The following CCDC157 variants were observed in gnomAD, a reference collection of about 807,000 sequenced individuals.
CCDC157 encodes the protein coiled-coil domain-containing protein 157.
Under a neutral mutation model 70.9 loss-of-function variants are expected in CCDC157, and 60 were observed. The ratio of observed to expected loss-of-function variants is 0.85; its 90% CI spans 0.69 to 1.05. The LOEUF (loss-of-function observed/expected upper bound fraction) is 1.05. CCDC157 is among the 50% of genes least tolerant of loss of function. The pLI is 0.00. For synonymous variants in CCDC157, 373 were observed against 422.4 expected (o/e 0.88, Z 1.43); for missense variants, 943 against 984.2 (o/e 0.96, Z 0.56).
chr22:30,374,730 A>G, intron 9 of CCDC157: 1 of 456,700 alleles, frequency 2.2e-6, no homozygotes, highest in South Asian at 1.5e-5. Context: ...GCTATTTCCC[A>G]TAGCAGGAAA....
At chr22:30,374,954 CTTTTTTT>C (rs10611353) in intron 9 of CCDC157, 7,621 of 237,856 alleles carry the variant, frequency 0.032, 1 homozygote, top group Middle Eastern at 0.05. Flanking sequence ...TTTGCTAAGT[CTTTTTTT>C]TTTTTTTTTT....
In CCDC157 at chr22:30,377,316, A is replaced by G. The variant is rs559639242; in HGVS notation, c.*571A>G. 1.7e-3 allele frequency: 263 copies of G among 155,658 alleles called. 1 individual carries two copies. The highest frequency in any genetic ancestry group is 3.0e-3 in the Non-Finnish European group (212 of 69,952). The allele number at this position is 155,658 out of a possible 1,614,324, so 9.6% of individuals were successfully genotyped here. On this transcript the variant is annotated 3_prime_UTR_variant, in exon 12 of 12. Coordinates refer to ENST00000338306, the MANE Select transcript of CCDC157 (RefSeq NM_001017437.5). ...TGGTGACCGTCATGAAGGTTTCTCT[A>G]AATCCTGGAGATCATAGCCCCAGGA...
upstream of CCDC157, chr22:30,356,881 G>C (rs1048216313): frequency 1.8e-6 from 2 of 1,134,484 alleles, no homozygotes; most frequent in African/African-American, 1.6e-5. Flanking sequence ...AGTACGACGA[G>C]CTCGCAAGAT....
In CCDC157 at chr22:30,370,528, G is replaced by A. The variant is rs756078377; in HGVS notation, c.623G>A (p.Ser208Asn). 3 of 1,613,950 alleles carry A rather than the reference G, an allele frequency of 1.9e-6. No homozygotes were observed. The African/African-American group carries it at 4.0e-5, about 22-fold the overall frequency. The change falls in exon 5 of 12, where the codon AGT becomes AAT. Residue 208 changes from serine (S) to asparagine (N), a missense_variant. By Grantham distance (46) the Ser-to-Asn change is conservative. Coordinates refer to ENST00000338306, the MANE Select transcript of CCDC157 (RefSeq NM_001017437.5). ...GCCACGACCTTCAAGAACACCAGGA[G>A]TGTCCACTCCCAGACCATTGAGACG... ...FPATTFKNTR[S>N]VHSQTIETAL...
intron 9 of CCDC157, chr22:30,374,482 A>G (rs1253309585): frequency 2.1e-6 from 1 of 469,374 alleles, no homozygotes. Context: ...CCAAGGACAC[A>G]GCCTCCAGCT....
At chr22:30,363,752 G>A (rs928962720) in intron 2 of CCDC157, among the ~76,000 whole-genome samples, 4 of 142,914 alleles carry the variant, frequency 2.8e-5, no homozygotes, top group African/African-American at 1.1e-4. Flanking sequence ...GCAATGGCGC[G>A]ATCTCGGCTC....
At chr22:30,366,602 G>A in intron 3 of CCDC157, 1 of 330,078 alleles carries the variant, frequency 3.0e-6, no homozygotes, top group South Asian at 3.8e-5. Flanking sequence ...TTGCTTCTCA[G>A]AGTTTCCATT....
Position 30,370,414 on chromosome 22 carries a change from TAATC to T in CCDC157, c.512_515del (p.Ile171SerfsTer7). On this transcript the variant is annotated frameshift_variant, in exon 5 of 12. Coordinates refer to ENST00000338306, the MANE Select transcript of CCDC157 (RefSeq NM_001017437.5). LOFTEE classifies it high-confidence loss of function. ...AGCCCTGAATATCTGACTACCAAGTTAATCAAGCCCTCCTCCCCAGTGCTAGGCT... is the reference window on the plus strand; with the variant it reads ...AGCCCTGAATATCTGACTACCAAGTTAAGCCCTCCTCCCCAGTGCTAGGCT... 1 of 1,614,102 alleles carries T rather than the reference TAATC, an allele frequency of 6.2e-7. No individual in the cohort carries two copies. Among genetic ancestry groups the T allele is most frequent in the Non-Finnish European group, 8.5e-7 (1 of 1,180,024 alleles).
intron 10 of CCDC157, 39 bp from the exon 11 acceptor site, chr22:30,376,220 T>A (rs575626839): frequency 1.7e-5 from 27 of 1,582,642 alleles, no homozygotes; most frequent in Non-Finnish European, 2.2e-5. Context: ...AGGGGACTCC[T>A]GGGCCCTTAT....
Position 30,374,008 on chromosome 22 carries a change from GGGAGCTGGA to G in CCDC157, c.1597_1605del (p.Glu533_Leu535del). 2 of 1,612,126 alleles carry G rather than the reference GGGAGCTGGA, an allele frequency of 1.2e-6. No homozygotes were observed. Among genetic ancestry groups the G allele is most frequent in the Non-Finnish European group, 1.7e-6 (2 of 1,179,316 alleles). On this transcript the variant is annotated inframe_deletion, in exon 9 of 12. Coordinates refer to ENST00000338306, the MANE Select transcript of CCDC157 (RefSeq NM_001017437.5). ...CGGCTAACCATCCTGGAGCTAGAACGGGAGCTGGAGGAGCTGAAGGAGCGGGAGCGGCTG... is the reference window on the plus strand; with the variant it reads ...CGGCTAACCATCCTGGAGCTAGAACGGGAGCTGAAGGAGCGGGAGCGGCTG...
In CCDC157 at chr22:30,366,107, G is replaced by T; in HGVS notation, c.107G>T (p.Arg36Leu). The T allele has an allele frequency of 6.2e-7, 1 of 1,612,986 alleles. No homozygotes were observed. The change falls in exon 3 of 12, where the codon CGC (arginine) becomes CTC (leucine). Residue 36 changes from arginine to leucine, a missense_variant. Arg to Leu is a moderately radical substitution (Grantham distance 102, BLOSUM62 -2). Transcript: ENST00000338306. ...GTCTTCTCCCGCGCCGGGCCTGTGC[G>T]CTTCCCCTCCTGGAAGTTCCCTGAC... ...VDVFSRAGPVRFPSWKFPDRM... is the reference protein window; with the variant it reads ...VDVFSRAGPVLFPSWKFPDRM...
In CCDC157 at chr22:30,370,767, A is replaced by T; in HGVS notation, c.862A>T (p.Lys288Ter). 6.2e-7 allele frequency: 1 copy of T among 1,613,582 alleles called. No individual in the cohort carries two copies. The highest frequency in any genetic ancestry group is 8.5e-7 in the Non-Finnish European group (1 of 1,179,974). The change falls in exon 5 of 12, where the codon AAG becomes TAG. Residue 288 changes from lysine (K) to a stop codon, truncating the protein, a stop_gained. Transcript: ENST00000338306. LOFTEE classifies it high-confidence loss of function. ...GAGGAAAGACCTGACGCGCCTCAGT[A>T]AGCATGTGGAGGCCCTCAGGGCCCA... ...EQRKDLTRLS[K>*]HVEALRAQLE...
chr22:30,356,653 G>A (rs1931864627), upstream of CCDC157: 2 of 1,150,288 alleles, frequency 1.7e-6, no homozygotes, highest in Admixed American at 3.5e-5. Context: ...CATAGCGGCC[G>A]GCCGCTTATT....
At chr22:30,371,892 G>A (rs1014839548) in intron 6 of CCDC157, 165 bp downstream of exon 6, 13 of 746,382 alleles carry the variant, frequency 1.7e-5, no homozygotes, top group African/African-American at 5.3e-5. Context: ...ACCAAACTGG[G>A]TTGCCACCTC....
intron 2 of CCDC157, among the ~76,000 whole-genome samples, chr22:30,363,131 G>A (rs1453115727): frequency 6.6e-6 from 1 of 152,198 alleles, no homozygotes; most frequent in African/African-American, 2.4e-5. Flanking sequence ...GAAACCAGCT[G>A]CCAGCTCACA....
chr22:30,364,912 G>C (rs138230248), intron 2 of CCDC157, among the ~76,000 whole-genome samples: 10 of 151,162 alleles, frequency 6.6e-5, no homozygotes, highest in African/African-American at 2.2e-4. Context: ...TTCCTCTCTT[G>C]CACTTTAGAA....
At chr22:30,357,489 C>T (rs1931978550) in intron 1 of CCDC157, among the ~76,000 whole-genome samples, 1 of 152,084 alleles carries the variant, frequency 6.6e-6, no homozygotes, top group African/African-American at 2.4e-5. Context: ...ATCAAGGCTG[C>T]TGCTTTCTTT....
rs751800987 is a variant in CCDC157, at chr22:30,371,539, G to A, written c.1046-111G>A. The A allele has an allele frequency of 1.3e-4, 112 of 871,418 alleles. No homozygotes were observed. The Middle Eastern group carries it at 1.9e-3, about 15-fold the overall frequency. The allele number at this position is 871,418 out of a possible 1,614,324, so 54.0% of individuals were successfully genotyped here. On this transcript the variant is annotated intron_variant, in intron 5 of 11. Transcript: ENST00000338306. ...TAGAGCTCCTCCCATGGCCGCAGGC[G>A]GCCCCTCTGCAGGCGATGGGCTGCC... is the stretch of plus-strand genomic sequence containing the variant.
At chr22:30,356,727 T>C, upstream of CCDC157, 2 of 1,485,006 alleles carry the variant, frequency 1.3e-6, no homozygotes, top group Non-Finnish European at 1.8e-6. Flanking sequence ...GGGGGAGAGG[T>C]ACCTGTTTGG....
Sources: gnomAD v4.1 joint callset for allele counts (sites outside exome capture counted in the v4.1 genomes callset) on GRCh38, gnomAD v4.1.1 for gene constraint, MANE v1.5 for transcripts, NCBI Gene and HGNC (gene_info 2026-07-23, HGNC 2026-07-21) for gene names.